Variants in SDHA observed in about 807,000 individuals in gnomAD.
SDHA encodes the protein succinate dehydrogenase complex flavoprotein subunit A.
A neutral mutation model predicts 78.4 loss-of-function variants in SDHA; 48 were observed. The observed-to-expected ratio is 0.61, with a 90% CI of 0.49 to 0.78. The LOEUF (loss-of-function observed/expected upper bound fraction) is 0.78. Among genes scored for constraint, SDHA ranks in the 30% least tolerant of loss-of-function variants. The pLI, the probability that SDHA is intolerant of heterozygous loss-of-function variation, is 0.00. For missense variants in SDHA, 680 were observed against 892.7 expected (o/e 0.76, Z 3.04); for synonymous variants, 326 against 353.9 (o/e 0.92, Z 0.88).
chr5:229,880 G>A, intron 6 of SDHA, among the ~76,000 whole-genome samples: 1 of 150,370 alleles, frequency 6.7e-6, no homozygotes, highest in Non-Finnish European at 1.5e-5. Flanking sequence ...GGTGGCCAGA[G>A]TTAACATTAT....
intron 7 of SDHA, 23 bp downstream of exon 7, chr5:231,023 G>A (rs375575546): frequency 6.2e-7 from 1 of 1,613,672 alleles, no homozygotes; most frequent in Non-Finnish European, 8.5e-7. Flanking sequence ...GCCTTGCCCG[G>A]CAGGTGTTTG....
intron 1 of SDHA, among the ~76,000 whole-genome samples, chr5:219,108 T>C (rs1734561991): frequency 6.6e-6 from 1 of 152,268 alleles, no homozygotes; most frequent in Non-Finnish European, 1.5e-5. Flanking sequence ...AATGTGCCAG[T>C]GTTTAAAAGC....
chr5:229,229 C>T (rs1735231908), intron 6 of SDHA, among the ~76,000 whole-genome samples: 1 of 152,176 alleles, frequency 6.6e-6, no homozygotes, highest in Non-Finnish European at 1.5e-5. Flanking sequence ...ATTCATAGGA[C>T]TACTATGTGC....
intron 7 of SDHA, among the ~76,000 whole-genome samples, chr5:231,660 G>T (rs1735411555): frequency 6.6e-6 from 1 of 152,142 alleles, no homozygotes; most frequent in Admixed American, 6.5e-5. Flanking sequence ...GTTAGCTGTG[G>T]TGCTCCATGC....
chr5:249,463 A>G (rs1391224486), intron 11 of SDHA: 7 of 159,568 alleles, frequency 4.4e-5, no homozygotes, highest in Non-Finnish European at 6.9e-5. Context: ...GAATGAGGGC[A>G]AGGGACACCT....
At chr5:236,301 G>A in intron 9 of SDHA, 127 bp from the exon 10 acceptor site, 1 of 923,988 alleles carries the variant, frequency 1.1e-6, no homozygotes, top group Non-Finnish European at 1.8e-6. Context: ...TGAGATTACA[G>A]GCGTGAGCCA....
In SDHA at chr5:256,856, C is replaced by T. The variant is rs1281878272; in HGVS notation, c.*436C>T. On this transcript the variant is annotated 3_prime_UTR_variant, in exon 15 of 15. Transcript: ENST00000264932. The stretch of plus-strand genomic sequence containing the variant: ...TTTTTTTTTTGAGACAGGATCGGTG[C>T]AGTAGTACAATCACAGCTCACTGCA... Among the ~76,000 whole-genome samples the T allele has an allele frequency of 8.1e-5, 11 of 135,824 alleles. No individual in the cohort carries two copies. Among genetic ancestry groups the T allele is most frequent in the African/African-American group, 3.2e-4 (11 of 34,092 alleles). 89.1% of individuals were successfully genotyped at this position (135,824 alleles called of 152,430 possible).
downstream of SDHA, among the ~76,000 whole-genome samples, chr5:257,150 A>G (rs1208782738): frequency 6.6e-6 from 1 of 152,146 alleles, no homozygotes; most frequent in Admixed American, 6.5e-5. Flanking sequence ...GAATGGAGAA[A>G]ACTAACATTT....
At chr5:244,351 G>A (rs867252009) in intron 11 of SDHA, among the ~76,000 whole-genome samples, 1 of 151,878 alleles carries the variant, frequency 6.6e-6, no homozygotes, top group Admixed American at 6.6e-5. Context: ...CAAATACATA[G>A]AGGAGTCATT....
rs182180257 is a variant in SDHA, at chr5:231,421, G to T, written c.895+421G>T. Among the ~76,000 whole-genome samples, 866 of 152,126 alleles carry T rather than the reference G, an allele frequency of 5.7e-3. 6 individuals are homozygous for T. The highest frequency in any genetic ancestry group is 9.5e-3 in the Non-Finnish European group (643 of 67,992). On this transcript the variant is annotated intron_variant, in intron 7 of 14. Coordinates refer to ENST00000264932, the MANE Select transcript of SDHA (RefSeq NM_004168.4). ...CTAAAAATACAAAAATCAGCTGGGC[G>T]TGATGGCGTGTACCTGTAATCCCAG...
At position 251,073 on chromosome 5, in the gene SDHA, G is replaced by C; in HGVS notation, c.1633G>C (p.Asp545His). The change falls in exon 12 of 15, where the codon GAC becomes CAC. Residue 545 changes from aspartate (D) to histidine (H), a missense_variant. Coordinates refer to ENST00000264932, the MANE Select transcript of SDHA (RefSeq NM_004168.4). ...GCGKISKLYG[D>H]LKHLKTFDRG... is the part of the protein sequence containing the mutation. ...TGGGAAAATCAGCAAGCTCTATGGA[G>C]ACCTAAAGCACCTGAAGACGTTCGA... is the stretch of plus-strand genomic sequence containing the variant. 6.2e-7 allele frequency: 1 copy of C among 1,612,020 alleles called. No homozygotes were observed. The highest frequency in any genetic ancestry group is 8.5e-7 in the Non-Finnish European group (1 of 1,179,840).
chr5:238,606 G>A (rs1735934259), intron 10 of SDHA, among the ~76,000 whole-genome samples: 1 of 152,192 alleles, frequency 6.6e-6, no homozygotes, highest in African/African-American at 2.4e-5. Context: ...CTGGCCTCAA[G>A]TGTTCCTCCT....
intron 5 of SDHA, among the ~76,000 whole-genome samples, chr5:227,424 T>A (rs1235860206): frequency 6.6e-6 from 1 of 152,268 alleles, no homozygotes; most frequent in African/African-American, 2.4e-5. Flanking sequence ...ACGGTATTGA[T>A]TCAGAGTAAT....
chr5:257,673 C>T (rs1737296190), downstream of SDHA, among the ~76,000 whole-genome samples: 1 of 121,898 alleles, frequency 8.2e-6, no homozygotes, highest in Admixed American at 7.8e-5. Flanking sequence ...GTGAGCTCCA[C>T]CCCCTGCCAG....
the SDHA span, among the ~76,000 whole-genome samples, chr5:265,493 A>G: frequency 7.9e-5 from 12 of 152,324 alleles, no homozygotes; most frequent in Admixed American, 7.8e-4. Flanking sequence ...TGGACACTTG[A>G]GGGAAGATCA....
rs550992277 is a variant in SDHA at position 256,585 on chromosome 5, A to C, written c.*165A>C. On this transcript the variant is annotated 3_prime_UTR_variant, in exon 15 of 15. Transcript: ENST00000264932. ...GTGGCTGGGAGCTTGCCAGGAACCCAGTGGCCAGGGAGCGTGGCACTTACC... is the reference window on the plus strand; with the variant it reads ...GTGGCTGGGAGCTTGCCAGGAACCCCGTGGCCAGGGAGCGTGGCACTTACC... 4.3e-6 allele frequency: 3 copies of C among 690,674 alleles called. No homozygotes were observed. Among genetic ancestry groups the C allele is most frequent in the Non-Finnish European group, 5.3e-6 (2 of 375,610 alleles). The allele number at this position is 690,674 out of a possible 1,614,324, so 42.8% of individuals were successfully genotyped here.
chr5:259,370 C>T (rs868714338), downstream of SDHA, among the ~76,000 whole-genome samples: 25 of 30,064 alleles, frequency 8.3e-4, no homozygotes, highest in Middle Eastern at 0.022. Context: ...GAGCTCCGCC[C>T]CCCGCCACAG....
downstream of SDHA, among the ~76,000 whole-genome samples, chr5:261,690 C>A (rs1171108607): frequency 2.7e-5 from 1 of 36,492 alleles, no homozygotes; most frequent in African/African-American, 2.1e-4. Context: ...ACAGCATTAC[C>A]GTGTGAGCTC....
intron 5 of SDHA, among the ~76,000 whole-genome samples, chr5:227,436 A>G: frequency 6.6e-6 from 1 of 152,248 alleles, no homozygotes; most frequent in East Asian, 1.9e-4. Flanking sequence ...CAGAGTAATC[A>G]ATATTCTGAA....
Sources: gnomAD v4.1 joint callset for allele counts (sites outside exome capture counted in the v4.1 genomes callset) on GRCh38, gnomAD v4.1.1 for gene constraint, MANE v1.5 for transcripts, NCBI Gene and HGNC (gene_info 2026-07-23, HGNC 2026-07-21) for gene names.